Variants in SPAG16 observed in about 807,000 individuals in gnomAD.
SPAG16 encodes sperm associated antigen 16.
In SPAG16, 86 loss-of-function variants were observed where a neutral mutation model predicts 80.4. The ratio of observed to expected loss-of-function variants is 1.07; its 90% CI spans 0.90 to 1.28. The LOEUF (loss-of-function observed/expected upper bound fraction) is 1.28. Ranked by LOEUF, SPAG16 falls within the 50% of genes most tolerant of loss-of-function variation. The pLI is 0.00. For missense variants in SPAG16, 870 were observed against 765.3 expected (o/e 1.14, Z -1.61); for synonymous variants, 294 against 265.9 (o/e 1.11, Z -1.03).
At chr2:214,304,014 T>A (rs1249218691) in intron 15 of SPAG16, among the ~76,000 whole-genome samples, 1 of 152,166 alleles carries the variant, frequency 6.6e-6, no homozygotes, top group East Asian at 1.9e-4. Flanking sequence ...CCTCCCACCC[T>A]CCACCTTCCA....
chr2:214,366,905 G>A lies in SPAG16; in HGVS notation c.1721-43235G>A, dbSNP rs548069858. 6.6e-5 allele frequency among the ~76,000 whole-genome samples: 10 copies of A among 152,158 alleles called. No individual in the cohort carries two copies. In the South Asian group the frequency reaches 1.9e-3, roughly 28 times the overall value. Reference sequence around the variant, plus strand: ...GCCCCCAAGTAAACTTTCCTAGCCTGTTACATCCCAAAATCTGTTATACTC... The same window carrying A: ...GCCCCCAAGTAAACTTTCCTAGCCTATTACATCCCAAAATCTGTTATACTC... On this transcript the variant is annotated intron_variant, in intron 15 of 15. Transcript: ENST00000331683.
At chr2:213,508,713 A>G (rs1276577499) in intron 10 of SPAG16, among the ~76,000 whole-genome samples, 2 of 152,178 alleles carry the variant, frequency 1.3e-5, no homozygotes, top group African/African-American at 2.4e-5. Context: ...TGGGAATTGA[A>G]CAATGAGAAC....
At chr2:214,055,971 G>A (rs2049918105) in intron 13 of SPAG16, among the ~76,000 whole-genome samples, 2 of 152,122 alleles carry the variant, frequency 1.3e-5, no homozygotes, top group Non-Finnish European at 2.9e-5. Flanking sequence ...TTTAGTTGGA[G>A]TGGATTCTGT....
At chr2:214,054,538 A>G (rs544934767) in intron 13 of SPAG16, among the ~76,000 whole-genome samples, 8 of 152,262 alleles carry the variant, frequency 5.3e-5, no homozygotes, top group African/African-American at 1.9e-4. Flanking sequence ...GGCCTAACAG[A>G]CCCCAATGAA....
At chr2:214,405,246 C>G (rs1701930873) in intron 15 of SPAG16, among the ~76,000 whole-genome samples, 1 of 151,944 alleles carries the variant, frequency 6.6e-6, no homozygotes, top group South Asian at 2.1e-4. Context: ...CCTTAGCCTC[C>G]ACAGTAGCTA....
intron 12 of SPAG16, among the ~76,000 whole-genome samples, chr2:213,985,123 T>A (rs1261610473): frequency 6.6e-6 from 1 of 152,098 alleles, no homozygotes; most frequent in African/African-American, 2.4e-5. Context: ...TCTTACTGCT[T>A]AGAATTGAGT....
chr2:214,258,500 CAT>C (rs1351129126), intron 15 of SPAG16, among the ~76,000 whole-genome samples: 2 of 143,804 alleles, frequency 1.4e-5, no homozygotes, highest in African/African-American at 5.1e-5. Context: ...TACACACACA[CAT>C]ATATGTACAT....
At chr2:214,170,767 A>G (rs2056844580) in intron 15 of SPAG16, among the ~76,000 whole-genome samples, 1 of 151,990 alleles carries the variant, frequency 6.6e-6, no homozygotes, top group East Asian at 1.9e-4. Flanking sequence ...ATTACATGAC[A>G]TGTTGCTGTA....
At chr2:213,882,174 T>G (rs1401065822) in intron 11 of SPAG16, among the ~76,000 whole-genome samples, 1 of 152,240 alleles carries the variant, frequency 6.6e-6, no homozygotes, top group Non-Finnish European at 1.5e-5. Flanking sequence ...ATTACAGGAA[T>G]AAAGCCTACT....
At chr2:214,172,137 C>G (rs141636346) in intron 15 of SPAG16, among the ~76,000 whole-genome samples, 2,421 of 151,578 alleles carry the variant, frequency 0.016, 60 homozygotes, top group Admixed American at 0.058. Context: ...GTTACATGTG[C>G]ACAATGTGCA....
At chr2:213,887,903 A>G (rs895189613) in intron 11 of SPAG16, among the ~76,000 whole-genome samples, 2 of 151,846 alleles carry the variant, frequency 1.3e-5, no homozygotes, top group African/African-American at 4.8e-5. Context: ...GGTAATTGCG[A>G]CAGTTACTTT....
intron 14 of SPAG16, among the ~76,000 whole-genome samples, chr2:214,123,973 T>A (rs1229290511): frequency 3.9e-5 from 6 of 151,992 alleles, no homozygotes; most frequent in Admixed American, 2.6e-4. Context: ...TTGTAATGGA[T>A]TTTTTTATGT....
At chr2:213,588,477 C>T (rs2060546289) in intron 10 of SPAG16, among the ~76,000 whole-genome samples, 1 of 150,524 alleles carries the variant, frequency 6.6e-6, no homozygotes. Context: ...TAAGGGAATC[C>T]AAAAGTACAA....
chr2:214,376,595 TTA>T (rs1222843364), intron 15 of SPAG16, among the ~76,000 whole-genome samples: 1 of 152,184 alleles, frequency 6.6e-6, no homozygotes, highest in Non-Finnish European at 1.5e-5. Flanking sequence ...TGTACTGACA[TTA>T]TCTTTGATAT....
chr2:213,431,050 C>T (rs958429246), intron 9 of SPAG16, among the ~76,000 whole-genome samples: 3 of 152,134 alleles, frequency 2.0e-5, no homozygotes, highest in African/African-American at 7.2e-5. Flanking sequence ...ACCAGCTCTA[C>T]TAGAAATGCT....
intron 12 of SPAG16, among the ~76,000 whole-genome samples, chr2:213,935,838 C>G (rs888804089): frequency 7.2e-5 from 11 of 152,162 alleles, no homozygotes; most frequent in Non-Finnish European, 1.6e-4. Context: ...TGAGCACTTA[C>G]TTCGTTCTAT....
At chr2:213,529,082 AT>A (rs2075981544) in intron 10 of SPAG16, among the ~76,000 whole-genome samples, 1 of 152,144 alleles carries the variant, frequency 6.6e-6, no homozygotes, top group African/African-American at 2.4e-5. Context: ...GTAGGATTTA[AT>A]TTTTATTGAC....
chr2:214,365,308 C>T (rs1176822089), intron 15 of SPAG16, among the ~76,000 whole-genome samples: 2 of 152,130 alleles, frequency 1.3e-5, no homozygotes, highest in Admixed American at 6.6e-5. Context: ...TTTCCTTTCC[C>T]TATTAAGTGA....
intron 9 of SPAG16, among the ~76,000 whole-genome samples, chr2:213,376,151 G>T (rs12471142): frequency 1.3e-5 from 2 of 150,996 alleles, no homozygotes; most frequent in Non-Finnish European, 3.0e-5. Context: ...ATAGATTATC[G>T]TATGTGAGGT....
Sources: gnomAD v4.1 joint callset for allele counts (sites outside exome capture counted in the v4.1 genomes callset) on GRCh38, gnomAD v4.1.1 for gene constraint, MANE v1.5 for transcripts, NCBI Gene and HGNC (gene_info 2026-07-23, HGNC 2026-07-21) for gene names.